Variants in GPRC5C observed in about 807,000 individuals in gnomAD.
GPRC5C encodes the protein G protein-coupled receptor class C group 5 member C, also known as G protein-coupled receptor family C group 5 member C.
In GPRC5C, 22 loss-of-function variants were observed where a neutral mutation model predicts 31.4. That is an observed-to-expected ratio of 0.70 (90% CI 0.50 to 1.00). The LOEUF (loss-of-function observed/expected upper bound fraction) is 1.00, where lower values mean the gene tolerates loss of function less well. GPRC5C is among the 50% of genes least tolerant of loss of function. The pLI, the probability that GPRC5C is intolerant of heterozygous loss-of-function variation, is 0.00. For missense variants in GPRC5C, 557 were observed against 597.2 expected, an observed-to-expected ratio of 0.93 and a Z score of 0.70; for synonymous variants, 249 against 257.5, an observed-to-expected ratio of 0.97 and a Z score of 0.32.
rs1383596187 is a variant in GPRC5C, at chr17:74,440,375, C to T, written c.599C>T (p.Ser200Phe). The change falls in exon 2 of 4, where the codon TCC becomes TTC. Residue 200 changes from serine to phenylalanine, a missense_variant. Ser to Phe is a radical substitution (Grantham distance 155). Coordinates refer to ENST00000392627, the MANE Select transcript of GPRC5C (RefSeq NM_022036.4). The surrounding 1 kb of genome is among the most constrained non-coding windows in gnomAD (Gnocchi z 4.4). The stretch of plus-strand genomic sequence containing the variant: ...AGCAGCGCAGGCTGGGCCGTGGCCT[C>T]CCCCTGTGCCATCGCCAACATGGAC... ...GNSSAGWAVA[S>F]PCAIANMDFV... 4 of 1,614,076 alleles carry T rather than the reference C, an allele frequency of 2.5e-6. No individual in the cohort carries two copies. The highest frequency in any genetic ancestry group is 3.4e-6 in the Non-Finnish European group (4 of 1,179,998).
At chr17:74,435,208 G>A (rs1330902429) in intron 1 of GPRC5C, among the ~76,000 whole-genome samples, 1 of 152,100 alleles carries the variant, frequency 6.6e-6, no homozygotes, top group Admixed American at 6.5e-5. Flanking sequence ...GACAGAGCGA[G>A]ACTCCGTCTC....
At position 74,446,852 on chromosome 17, in the gene GPRC5C, G is replaced by A. The variant is rs548471843; in HGVS notation, c.1150G>A (p.Glu384Lys). The A allele has an allele frequency of 2.8e-5, 45 of 1,609,950 alleles. No homozygotes were observed. Among genetic ancestry groups the A allele is most frequent in the East Asian group, 4.5e-5 (2 of 44,766 alleles). ...GACCGCCTGTTCTTCCTTCCAGTCC[G>A]AAGGAGCTTACGACATCATCCTCCC... is the stretch of plus-strand genomic sequence containing the variant. ...EMALMHKVPS[E>K]GAYDIILPRA... The change falls in exon 4 of 4, where the codon GAA becomes AAA. Residue 384 changes from glutamate to lysine, a missense_variant. Glu to Lys is a moderately conservative substitution (Grantham distance 56). Coordinates refer to ENST00000392627, the MANE Select transcript of GPRC5C (RefSeq NM_022036.4).
chr17:74,451,229 G>T (rs551707034), downstream of GPRC5C: 1 of 152,202 alleles, frequency 6.6e-6, no homozygotes, highest in Non-Finnish European at 1.5e-5. Flanking sequence ...AATTTCAAAG[G>T]AGTCCCCGGC....
At chr17:74,449,094 T>C (rs2055683701), downstream of GPRC5C, among the ~76,000 whole-genome samples, 1 of 151,846 alleles carries the variant, frequency 6.6e-6, no homozygotes, top group Admixed American at 6.6e-5. Context: ...CTGATACCGG[T>C]TGTAGGGGAA....
At chr17:74,449,526 G>C, downstream of GPRC5C, 1 of 372,048 alleles carries the variant, frequency 2.7e-6, no homozygotes, top group Non-Finnish European at 5.3e-6. Flanking sequence ...GTGAAGCCCT[G>C]AGTGTGTGAC....
intron 1 of GPRC5C, among the ~76,000 whole-genome samples, chr17:74,433,402 G>A (rs909421777): frequency 2.0e-5 from 3 of 152,118 alleles, no homozygotes; most frequent in South Asian, 4.1e-4. Context: ...GGCAGGGGCA[G>A]GGGGATAGGG....
chr17:74,433,872 C>T (rs959466832), intron 1 of GPRC5C: 1 of 837,332 alleles, frequency 1.2e-6, no homozygotes, highest in Non-Finnish European at 2.1e-6. Flanking sequence ...GATGCTGGAG[C>T]GAGGAAGGGA....
In GPRC5C at chr17:74,432,135, C is replaced by T. The variant is rs747127595; in HGVS notation, c.-39C>T. ...AGCCGGAAAGTACGAGTCGGCTCAG[C>T]CTGGAGGTGAGTCGGGGCGGGGAGG... On this transcript the variant is annotated 5_prime_UTR_variant, in exon 1 of 4. Transcript: ENST00000392627. 5.6e-6 allele frequency: 9 copies of T among 1,612,632 alleles called. No individual in the cohort carries two copies. The African/African-American group carries it at 8.0e-5, about 14-fold the overall frequency.
chr17:74,441,207 G>A (rs1365423570), intron 2 of GPRC5C, among the ~76,000 whole-genome samples: 1 of 151,950 alleles, frequency 6.6e-6, no homozygotes, highest in African/African-American at 2.4e-5. Flanking sequence ...AACCTGGGAG[G>A]CGGAGGTTGC....
In GPRC5C at chr17:74,437,376, C is replaced by T. The variant is rs182326093; in HGVS notation, c.-32-2369C>T. On this transcript the variant is annotated intron_variant, in intron 1 of 3. Coordinates refer to ENST00000392627, the MANE Select transcript of GPRC5C (RefSeq NM_022036.4). ...AGTAAAGAGAAACTAGCCATTAGAA[C>T]GCCAGTTATTTAGGAAAACAACAGT... Among the ~76,000 whole-genome samples the T allele has an allele frequency of 3.9e-5, 6 of 152,226 alleles. No homozygotes were observed. The South Asian group carries it at 6.2e-4, about 16-fold the overall frequency.
At chr17:74,449,638 C>T (rs935748356), downstream of GPRC5C, 76 of 259,632 alleles carry the variant, frequency 2.9e-4, 1 homozygote, top group African/African-American at 1.7e-3. Context: ...AGGCTGCCTC[C>T]AACTCCCCTC....
At chr17:74,433,788 G>A (rs1320038) in intron 1 of GPRC5C, 62,935 of 1,528,544 alleles carry the variant, frequency 0.041, 7,450 homozygotes, top group African/African-American at 0.41. Context: ...GCCCTGTGAC[G>A]CGCTGGAGCT....
At position 74,439,948 on chromosome 17, in the gene GPRC5C, G is replaced by GGGGCGGGCATTGTCACCACGTTT; in HGVS notation, c.174_196dup (p.Val66GlyfsTer52). 1 of 1,610,918 alleles carries GGGGCGGGCATTGTCACCACGTTT rather than the reference G, an allele frequency of 6.2e-7. No homozygotes were observed. The highest frequency in any genetic ancestry group is 1.3e-5 in the African/African-American group (1 of 75,042). ...GGGCATCGTCCTGGAGGCCGTGGCTGGGGCGGGCATTGTCACCACGTTTGT... is the reference window on the plus strand; with the variant it reads ...GGGCATCGTCCTGGAGGCCGTGGCTGGGGCGGGCATTGTCACCACGTTTGGGCGGGCATTGTCACCACGTTTGT... On this transcript the variant is annotated frameshift_variant, in exon 2 of 4. Coordinates refer to ENST00000392627, the MANE Select transcript of GPRC5C (RefSeq NM_022036.4). LOFTEE classifies it high-confidence loss of function.
rs886417072 is a variant in GPRC5C at position 74,433,968 on chromosome 17, C to G, written c.-33+1827C>G. 3.6e-4 allele frequency among the ~76,000 whole-genome samples: 55 copies of G among 152,134 alleles called. 1 individual carries two copies. Among genetic ancestry groups the G allele is most frequent in the African/African-American group, 1.3e-3 (55 of 41,420 alleles). ...TGTTGCTGGGGGAAACCAGTCAGGG[C>G]TGCTTGGGCCTCTGGGCCTCTGAGC... is the stretch of plus-strand genomic sequence containing the variant. On this transcript the variant is annotated intron_variant, in intron 1 of 3. Transcript: ENST00000392627.
intron 1 of GPRC5C, among the ~76,000 whole-genome samples, chr17:74,432,949 C>T (rs2055377164): frequency 6.6e-6 from 1 of 152,000 alleles, no homozygotes; most frequent in Non-Finnish European, 1.5e-5. Context: ...GTGTAGACCC[C>T]AGTACCGTCG....
At chr17:74,434,017 G>A (rs1012377535) in intron 1 of GPRC5C, among the ~76,000 whole-genome samples, 1 of 152,150 alleles carries the variant, frequency 6.6e-6, no homozygotes, top group Non-Finnish European at 1.5e-5. Flanking sequence ...AGGCCTCTGC[G>A]CCCCCTGGAG....
intron 1 of GPRC5C, among the ~76,000 whole-genome samples, chr17:74,438,213 A>C (rs2706507): frequency 5.3e-3 from 149 of 27,952 alleles, no homozygotes; most frequent in African/African-American, 0.015. Context: ...ATTCATATAT[A>C]TATATATATA....
downstream of GPRC5C, chr17:74,448,906 C>T (rs1320953276): frequency 7.8e-7 from 1 of 1,289,434 alleles, no homozygotes; most frequent in Non-Finnish European, 1.0e-6. Context: ...CTCTCCGTGG[C>T]CCACCCTGGG....
At chr17:74,432,611 G>A (rs2055371463) in intron 1 of GPRC5C, 1 of 727,746 alleles carries the variant, frequency 1.4e-6, no homozygotes, top group South Asian at 6.2e-5. Context: ...GGGGGGACTG[G>A]ACATCCTGCG....
Sources: gnomAD v4.1 joint callset for allele counts (sites outside exome capture counted in the v4.1 genomes callset) on GRCh38, gnomAD v4.1.1 for gene constraint, Gnocchi (gnomAD v3.1) non-coding constraint, MANE v1.5 for transcripts, NCBI Gene and HGNC (gene_info 2026-07-23, HGNC 2026-07-21) for gene names.